The following COL13A1 variants were observed in gnomAD, a reference collection of about 807,000 sequenced individuals.
COL13A1 encodes collagen alpha-1(XIII) chain.
COL13A1 carries 89 observed loss-of-function variants against 130.9 expected under a neutral mutation model. That is an observed-to-expected ratio of 0.68 (90% confidence interval 0.57 to 0.81). COL13A1 has a LOEUF of 0.81. Ranked by LOEUF, COL13A1 falls within the 30% of genes least tolerant of loss-of-function variation. The probability of loss-of-function intolerance (pLI) is 0.00; values close to 1 mark genes in which losing one functional copy is unlikely to be tolerated. For missense variants in COL13A1, 879 were observed against 934.6 expected (o/e 0.94, Z 0.78); for synonymous variants, 402 against 341.6 (o/e 1.18, Z -1.95).
chr10:69,895,990 G>A (rs1378379017), intron 13 of COL13A1, among the ~76,000 whole-genome samples: 2 of 152,130 alleles, frequency 1.3e-5, no homozygotes, highest in East Asian at 1.9e-4. Flanking sequence ...GTGGCGGTAG[G>A]GGGGTGGTGT....
At chr10:69,947,406 C>T (rs2068721857) in intron 38 of COL13A1, 64 bp downstream of exon 38, 3 of 1,445,322 alleles carry the variant, frequency 2.1e-6, no homozygotes, top group Admixed American at 2.0e-5. Flanking sequence ...GTGGAATGAT[C>T]GATCGGTGAT....
Position 69,880,526 on chromosome 10 carries a change from G to A in COL13A1, c.486G>A (p.Leu162=). The A allele has an allele frequency of 6.2e-7, 1 of 1,613,476 alleles. No individual in the cohort carries two copies. Among genetic ancestry groups the A allele is most frequent in the Non-Finnish European group, 8.5e-7 (1 of 1,179,656 alleles). Residue 162 remains leucine, a synonymous_variant, in exon 7 of 41, where the codon CTG becomes CTA. Transcript: ENST00000645393. Reference sequence around the variant, plus strand: ...AGGGGTCCCCCGGAGACGCTGGGCTGTCCATCATTGGTCCCCGCGGCCCCC... The same window carrying A: ...AGGGGTCCCCCGGAGACGCTGGGCTATCCATCATTGGTCCCCGCGGCCCCC... ...GEKGSPGDAG[L]SIIGPRGPPG...
At position 69,802,830 on chromosome 10, in the gene COL13A1, G is replaced by C; in HGVS notation, c.294+113G>C. On this transcript the variant is annotated intron_variant, in intron 1 of 40. Transcript: ENST00000645393. ...CTCGCTCTCTGCGAGCCCCAGGTTC[G>C]CGCGAGTTGCCTGCGGGAGGGGTCG... The C allele has an allele frequency of 4.3e-6, 6 of 1,386,870 alleles. No individual in the cohort carries two copies. In the South Asian group the frequency reaches 7.9e-5, roughly 18 times the overall value. 85.9% of individuals were successfully genotyped at this position (1,386,870 alleles called of 1,614,324 possible).
In COL13A1 at chr10:69,942,999, C is replaced by A. The variant is rs568033691; in HGVS notation, c.1915-1126C>A. 2.0e-5 allele frequency among the ~76,000 whole-genome samples: 3 copies of A among 152,364 alleles called. No homozygotes were observed. The East Asian group carries it at 5.8e-4, about 29-fold the overall frequency. The stretch of plus-strand genomic sequence containing the variant: ...AGTAGCTGGGATTACAGGCACCCAC[C>A]ACCATGCCGGACTAAATGTTGTATT... On this transcript the variant is annotated intron_variant, in intron 35 of 40. Coordinates refer to ENST00000645393, the MANE Select transcript of COL13A1 (RefSeq NM_001368882.1).
rs114444557 is a variant in COL13A1, at chr10:69,903,093, T to C, written c.858+238T>C. 0.018 allele frequency among the ~76,000 whole-genome samples: 2,791 copies of C among 152,276 alleles called. 83 individuals are homozygous for C. Among genetic ancestry groups the C allele is most frequent in the African/African-American group, 0.064 (2,662 of 41,540 alleles). Reference sequence around the variant, plus strand: ...TGCCTTCCAGGGAGGAGACCGCCAATGGCCTGCCTGCCCCGTTCCCAGCCC... The same window carrying C: ...TGCCTTCCAGGGAGGAGACCGCCAACGGCCTGCCTGCCCCGTTCCCAGCCC... On this transcript the variant is annotated intron_variant, in intron 15 of 40. Transcript: ENST00000645393.
Position 69,925,880 on chromosome 10 carries a change from G to A in COL13A1, c.1398+8G>A. On this transcript the variant is annotated splice_region_variant and intron_variant, in intron 26 of 40. Coordinates refer to ENST00000645393, the MANE Select transcript of COL13A1 (RefSeq NM_001368882.1). ...ATCAATGAGGCTCTCCAGGTGAGCA[G>A]GGTCCAGCCCAGAGGCCAAGATCCT... 6.3e-7 allele frequency: 1 copy of A among 1,585,192 alleles called. No homozygotes were observed. The highest frequency in any genetic ancestry group is 2.3e-5 in the East Asian group (1 of 43,486).
At chr10:69,857,359 A>C (rs1451894258) in intron 2 of COL13A1, among the ~76,000 whole-genome samples, 1 of 152,212 alleles carries the variant, frequency 6.6e-6, no homozygotes, top group East Asian at 1.9e-4. Context: ...CGTGGGTTCC[A>C]GGATTTTAAG....
chr10:69,843,097 C>A (rs1417516262), intron 2 of COL13A1, among the ~76,000 whole-genome samples: 1 of 152,160 alleles, frequency 6.6e-6, no homozygotes, highest in East Asian at 1.9e-4. Flanking sequence ...TGGGGGTTAT[C>A]TCTTCCAGCA....
chr10:69,949,223 G>T (rs555345752), intron 38 of COL13A1, among the ~76,000 whole-genome samples: 5 of 151,998 alleles, frequency 3.3e-5, no homozygotes, highest in African/African-American at 1.2e-4. Context: ...TTGCTCTGTC[G>T]CCAGGCTGGA....
intron 23 of COL13A1, among the ~76,000 whole-genome samples, 182 bp from the exon 24 acceptor site, chr10:69,923,620 C>T (rs138065679): frequency 6.6e-6 from 1 of 152,228 alleles, no homozygotes; most frequent in African/African-American, 2.4e-5. Flanking sequence ...GAAGCAAGAC[C>T]CAGGCTGGGC....
chr10:69,933,787 T>C (rs1000280595), intron 31 of COL13A1, among the ~76,000 whole-genome samples: 3 of 152,174 alleles, frequency 2.0e-5, no homozygotes, highest in African/African-American at 7.2e-5. Context: ...AAGGAAAGGA[T>C]TAAATAACTT....
chr10:69,923,340 T>C (rs1253621139), intron 23 of COL13A1, among the ~76,000 whole-genome samples: 3 of 152,256 alleles, frequency 2.0e-5, no homozygotes, highest in Admixed American at 2.0e-4. Flanking sequence ...AAAAGTGCAA[T>C]GGTAAGATTT....
intron 35 of COL13A1, 81 bp from the exon 36 acceptor site, chr10:69,944,044 T>C: frequency 8.4e-7 from 1 of 1,193,186 alleles, no homozygotes; most frequent in Non-Finnish European, 1.2e-6. Context: ...TGGACCTTGC[T>C]CATCTCTAGG....
intron 1 of COL13A1, among the ~76,000 whole-genome samples, chr10:69,811,589 C>A (rs1312988370): frequency 3.3e-5 from 5 of 152,170 alleles, no homozygotes; most frequent in Admixed American, 3.3e-4. Context: ...GTGCTCCGGA[C>A]ACCTCCAGCC....
At chr10:69,875,048 GCA>G (rs1647272483) in intron 4 of COL13A1, 78 bp from the exon 5 acceptor site, 3 of 1,579,548 alleles carry the variant, frequency 1.9e-6, no homozygotes, top group Non-Finnish European at 2.6e-6. Flanking sequence ...TAAATCAGGT[GCA>G]CAGTTTGCCT....
intron 32 of COL13A1, among the ~76,000 whole-genome samples, chr10:69,936,178 A>AAGGAAGG (rs201007973): frequency 8.2e-4 from 6 of 7,332 alleles, no homozygotes; most frequent in African/African-American, 4.3e-4. Flanking sequence ...GGAAGGAAGG[A>AAGGAAGG]AAGGAAAGGA....
chr10:69,925,546 TCTGA>T (rs951424935), intron 25 of COL13A1, among the ~76,000 whole-genome samples: 1 of 151,810 alleles, frequency 6.6e-6, no homozygotes, highest in Non-Finnish European at 1.5e-5. Context: ...AGGTGGGAGG[TCTGA>T]CTGGCAGCAC....
chr10:69,805,386 A>C (rs1436501113), intron 1 of COL13A1, among the ~76,000 whole-genome samples: 2 of 152,012 alleles, frequency 1.3e-5, no homozygotes, highest in Non-Finnish European at 2.9e-5. Flanking sequence ...GAGCCAGAGG[A>C]AGGGAGCTGT....
At chr10:69,871,111 T>C (rs2059025172) in intron 3 of COL13A1, among the ~76,000 whole-genome samples, 1 of 152,022 alleles carries the variant, frequency 6.6e-6, no homozygotes, top group African/African-American at 2.4e-5. Flanking sequence ...GGGAGGTCAC[T>C]ACCCCACTTC....
Sources: allele counts gnomAD v4.1 joint callset (sites outside exome capture counted in the v4.1 genomes callset), GRCh38; gene constraint gnomAD v4.1.1; transcripts MANE v1.5; gene names NCBI Gene and HGNC (gene_info 2026-07-23, HGNC 2026-07-21).